The following ACBD6 variants were observed in gnomAD, a reference collection of about 807,000 sequenced individuals.
The protein encoded by ACBD6 is acyl-CoA binding domain containing 6, also known as acyl-CoA-binding domain-containing protein 6.
ACBD6 carries 28 observed loss-of-function variants against 37.2 expected under a neutral mutation model. The ratio of observed to expected loss-of-function variants is 0.75; its 90% CI spans 0.56 to 1.03. ACBD6 has a LOEUF of 1.03. Ranked by LOEUF, ACBD6 falls within the 50% of genes least tolerant of loss-of-function variation. ACBD6 has a pLI of 0.00. For synonymous variants in ACBD6, 113 were observed against 126.8 expected (o/e 0.89, Z 0.73); for missense variants, 340 against 337.4 (o/e 1.01, Z -0.06).
At position 180,397,536 on chromosome 1, in the gene ACBD6, T is replaced by C. The variant is rs765543255; in HGVS notation, c.643A>G (p.Arg215Gly). The C allele has an allele frequency of 4.3e-6, 7 of 1,613,992 alleles. No homozygotes were observed. The highest frequency in any genetic ancestry group is 5.9e-6 in the Non-Finnish European group (7 of 1,179,834). ...KELVTVLLQHRADINCQDNEG... is the reference protein window; with the variant it reads ...KELVTVLLQHGADINCQDNEG... The stretch of plus-strand genomic sequence containing the variant: ...CTTACCTGACAGTTAATGTCAGCTC[T>C]ATGTTGCAGCAACACTGTGACTAGT... Residue 215 changes from arginine to glycine, a missense_variant, in exon 6 of 8, where the codon AGA becomes GGA. By Grantham distance (125) the Arg-to-Gly change is moderately radical. Transcript: ENST00000367595.
intron 3 of ACBD6, among the ~76,000 whole-genome samples, chr1:180,467,899 G>T (rs1189815334): frequency 5.3e-5 from 8 of 152,098 alleles, no homozygotes; most frequent in Admixed American, 4.6e-4. Flanking sequence ...TCTAAAACCT[G>T]CAGACATTTT....
At chr1:180,455,206 T>C (rs1649870099) in intron 3 of ACBD6, among the ~76,000 whole-genome samples, 2 of 152,066 alleles carry the variant, frequency 1.3e-5, no homozygotes, top group Admixed American at 6.5e-5. Context: ...AAAGGATGAG[T>C]TCATGTCCTT....
At chr1:180,421,322 C>T (rs543961950) in intron 4 of ACBD6, among the ~76,000 whole-genome samples, 3 of 152,310 alleles carry the variant, frequency 2.0e-5, no homozygotes, top group Admixed American at 2.0e-4. Context: ...CAACTCCATC[C>T]ATGTCCCTGC....
chr1:180,374,758 T>A (rs7538303), intron 6 of ACBD6, among the ~76,000 whole-genome samples: 113,897 of 152,164 alleles, frequency 0.75, 44,661 homozygotes, highest in Non-Finnish European at 0.88. Flanking sequence ...ATTTGAAATA[T>A]AGACAATGAC....
chr1:180,326,526 C>T (rs570706218), intron 6 of ACBD6: 112 of 152,562 alleles, frequency 7.3e-4, no homozygotes, highest in South Asian at 2.9e-3. Context: ...CCCAACAGCC[C>T]GCTTGGCGTT....
Position 180,316,340 on chromosome 1 carries a change from A to G in ACBD6, c.664-1618T>C, listed in dbSNP as rs542499930. Among the ~76,000 whole-genome samples the G allele has an allele frequency of 7.8e-3, 1,178 of 151,520 alleles. 5 individuals carry two copies. Among genetic ancestry groups the G allele is most frequent in the Non-Finnish European group, 0.013 (885 of 67,852 alleles). On this transcript the variant is annotated intron_variant, in intron 6 of 7. Transcript: ENST00000367595. ...TGTGTGTGTGTGCGTGAGTGCGCAC[A>G]CACACACACACACATACATGCAAAC... is the stretch of plus-strand genomic sequence containing the variant.
intron 2 of ACBD6, 124 bp from the exon 3 acceptor site, chr1:180,492,489 GGATA>G (rs1651544323): frequency 1.3e-6 from 1 of 764,718 alleles, no homozygotes; most frequent in Non-Finnish European, 2.2e-6. Flanking sequence ...AATAAGCTAT[GGATA>G]GAGAAGCTCT....
chr1:180,280,992 T>C (rs751974585), intron 9 of ACBD6, among the ~76,000 whole-genome samples: 6 of 152,226 alleles, frequency 3.9e-5, no homozygotes, highest in Non-Finnish European at 8.8e-5. Context: ...GTTGCATCTT[T>C]CTTTTCAACA....
chr1:180,382,744 C>T (rs1483318134), intron 6 of ACBD6, among the ~76,000 whole-genome samples: 2 of 152,008 alleles, frequency 1.3e-5, no homozygotes, highest in African/African-American at 4.8e-5. Flanking sequence ...CAGATAAGGG[C>T]TCAACAAAAA....
At chr1:180,432,205 CAAA>C (rs35887874) in intron 3 of ACBD6, among the ~76,000 whole-genome samples, 1 of 141,448 alleles carries the variant, frequency 7.1e-6, no homozygotes, top group Admixed American at 7.1e-5. Flanking sequence ...GATTCTGTCT[CAAA>C]AAAAAAAAAA....
At chr1:180,332,066 C>A (rs1450452766) in intron 6 of ACBD6, among the ~76,000 whole-genome samples, 1 of 152,184 alleles carries the variant, frequency 6.6e-6, no homozygotes, top group East Asian at 1.9e-4. Context: ...TGGAAACACA[C>A]AAGGAATGCC....
In ACBD6 at chr1:180,274,376, G is replaced by A. The variant is rs544059210; in HGVS notation, c.*937-264C>T. 7.6e-5 allele frequency: 123 copies of A among 1,614,140 alleles called. No homozygotes were observed. The South Asian group carries it at 1.3e-3, about 17-fold the overall frequency. ...CTCCATATCGTCCCTGCCATCCCAC[G>A]CTCCTTTGCTCAATGGGCTGGATTA... On this transcript the variant is annotated intron_variant, in intron 10 of 13. Transcript: ENST00000642319.
At chr1:180,283,579 C>T (rs1649379052), downstream of ACBD6, among the ~76,000 whole-genome samples, 1 of 151,954 alleles carries the variant, frequency 6.6e-6, no homozygotes, top group Non-Finnish European at 1.5e-5. Context: ...GTTTTTAGGA[C>T]CAGGAATACA....
At chr1:180,436,933 T>C (rs949350466) in intron 3 of ACBD6, among the ~76,000 whole-genome samples, 2 of 152,160 alleles carry the variant, frequency 1.3e-5, no homozygotes, top group Non-Finnish European at 2.9e-5. Context: ...GGCAAGGATA[T>C]CTATTCTCAT....
chr1:180,372,398 A>G (rs942218661), intron 6 of ACBD6, among the ~76,000 whole-genome samples: 1 of 152,180 alleles, frequency 6.6e-6, no homozygotes, highest in Admixed American at 6.6e-5. Context: ...AAACAAAAAC[A>G]TATTCCTATG....
rs376341782 is a variant in ACBD6 at position 180,479,746 on chromosome 1, T to C, written c.384+12523A>G. Among the ~76,000 whole-genome samples, 5 of 152,120 alleles carry C rather than the reference T, an allele frequency of 3.3e-5. No individual in the cohort carries two copies. In the South Asian group the frequency reaches 6.2e-4, roughly 19 times the overall value. On this transcript the variant is annotated intron_variant, in intron 3 of 7. Transcript: ENST00000367595. ...CAGGTACGCCTGTAATCCCAGCACT[T>C]TGAGGCGGAGGCGGGTGGATTGCTT...
chr1:180,459,290 T>A (rs1557879577), intron 3 of ACBD6, among the ~76,000 whole-genome samples: 1 of 152,230 alleles, frequency 6.6e-6, no homozygotes, highest in Admixed American at 6.5e-5. Flanking sequence ...TCCATAATTA[T>A]AATTACTGTT....
chr1:180,283,087 G>T (rs997447048), intron 8 of ACBD6, among the ~76,000 whole-genome samples: 5 of 147,802 alleles, frequency 3.4e-5, no homozygotes, highest in African/African-American at 1.2e-4. Flanking sequence ...TGAAAGCCAT[G>T]GGCACAGGAA....
chr1:180,412,150 TA>T (rs1647887283), intron 5 of ACBD6, among the ~76,000 whole-genome samples: 1 of 150,524 alleles, frequency 6.6e-6, no homozygotes, highest in South Asian at 2.1e-4. Context: ...ACCACAAACC[TA>T]ATTAGAATCA....
Sources: allele counts gnomAD v4.1 joint callset (sites outside exome capture counted in the v4.1 genomes callset), GRCh38; gene constraint gnomAD v4.1.1; transcripts MANE v1.5; gene names NCBI Gene and HGNC (gene_info 2026-07-23, HGNC 2026-07-21).